The following SMYD3 variants were observed in gnomAD, a reference collection of about 807,000 sequenced individuals.
SMYD3 encodes the protein SET and MYND domain containing 3, also known as histone-lysine N-methyltransferase SMYD3.
A neutral mutation model predicts 57.7 loss-of-function variants in SMYD3; 36 were observed. That is an observed-to-expected ratio of 0.62 (90% confidence interval 0.48 to 0.82). The LOEUF (loss-of-function observed/expected upper bound fraction) is 0.82, where lower values mean the gene tolerates loss of function less well. Among genes scored for constraint, SMYD3 ranks in the 40% least tolerant of loss-of-function variants. SMYD3 has a pLI of 0.00. For synonymous variants in SMYD3, 211 were observed against 195.0 expected (o/e 1.08, Z -0.68); for missense variants, 515 against 538.8 (o/e 0.96, Z 0.44).
chr1:246,329,429 C>T (rs2065420662), intron 4 of SMYD3, among the ~76,000 whole-genome samples: 1 of 152,298 alleles, frequency 6.6e-6, no homozygotes, highest in Non-Finnish European at 1.5e-5. Flanking sequence ...ATTTGCATTT[C>T]TCTGATGGCC....
At chr1:245,780,225 G>C (rs1397154392) in intron 10 of SMYD3, among the ~76,000 whole-genome samples, 4 of 152,110 alleles carry the variant, frequency 2.6e-5, no homozygotes, top group Non-Finnish European at 5.9e-5. Flanking sequence ...ACATGTATAC[G>C]AATGTTTATA....
rs551703736 is a variant in SMYD3 at position 246,186,972 on chromosome 1, C to T, written c.531+140229G>A. On this transcript the variant is annotated intron_variant, in intron 5 of 11. Coordinates refer to ENST00000490107, the MANE Select transcript of SMYD3 (RefSeq NM_001167740.2). ...AGAGATGAAATGTAAAATGAGGAAA[C>T]ACGAAAGAAGAAATGGTCTGCTACA... 171 of 973,082 alleles carry T rather than the reference C, an allele frequency of 1.8e-4. No individual in the cohort carries two copies. The African/African-American group carries it at 2.9e-3, about 16-fold the overall frequency. 60.3% of individuals were successfully genotyped at this position (973,082 alleles called of 1,614,324 possible). A position where few individuals can be genotyped will look rare whatever the true frequency, so the allele number is the denominator to read the frequency against.
At chr1:246,169,844 CAG>C (rs1157855608) in intron 5 of SMYD3, among the ~76,000 whole-genome samples, 5 of 149,804 alleles carry the variant, frequency 3.3e-5, no homozygotes, top group African/African-American at 1.2e-4. Context: ...GTGAAGGTTG[CAG>C]AGAGCCAAGA....
At chr1:246,209,310 GATGA>G (rs66513864) in intron 5 of SMYD3, among the ~76,000 whole-genome samples, 59,099 of 151,710 alleles carry the variant, frequency 0.39, 12,625 homozygotes, top group East Asian at 0.79. Context: ...CAGCTTGATA[GATGA>G]ATGGTTAATG....
intron 1 of SMYD3, among the ~76,000 whole-genome samples, chr1:246,356,928 T>C (rs1319614011): frequency 6.6e-5 from 10 of 152,094 alleles, no homozygotes; most frequent in East Asian, 1.9e-4. Flanking sequence ...GACATCCAAA[T>C]ACAAGCTCAA....
At chr1:246,222,576 G>A (rs980970879) in intron 5 of SMYD3, among the ~76,000 whole-genome samples, 2 of 152,140 alleles carry the variant, frequency 1.3e-5, no homozygotes, top group African/African-American at 4.8e-5. Flanking sequence ...TCCTGTCATA[G>A]AGTAGATTCT....
At chr1:245,815,582 T>C (rs1482863687) in intron 10 of SMYD3, among the ~76,000 whole-genome samples, 1 of 152,176 alleles carries the variant, frequency 6.6e-6, no homozygotes, top group Non-Finnish European at 1.5e-5. Context: ...AGTACACAGA[T>C]CCCAGTTATC....
chr1:246,156,781 T>C (rs1215423811), intron 5 of SMYD3, among the ~76,000 whole-genome samples: 1 of 152,166 alleles, frequency 6.6e-6, no homozygotes, highest in Non-Finnish European at 1.5e-5. Flanking sequence ...TGCTTTCCCT[T>C]AAGAGGTCAT....
intron 5 of SMYD3, among the ~76,000 whole-genome samples, chr1:246,279,621 C>G (rs550958367): frequency 6.6e-6 from 1 of 152,224 alleles, no homozygotes; most frequent in South Asian, 2.1e-4. Flanking sequence ...AAGACAAAGG[C>G]AGTTATTTAA....
chr1:246,315,207 T>C (rs1338031188), intron 5 of SMYD3, among the ~76,000 whole-genome samples: 2 of 152,072 alleles, frequency 1.3e-5, no homozygotes, highest in African/African-American at 4.8e-5. Flanking sequence ...AGGAAGAAAA[T>C]GGGGACACAT....
chr1:246,304,293 G>A (rs755808409), intron 5 of SMYD3, among the ~76,000 whole-genome samples: 3 of 152,124 alleles, frequency 2.0e-5, no homozygotes, highest in Non-Finnish European at 4.4e-5. Context: ...TATAAAGCAG[G>A]CAGCAAAATA....
At chr1:246,189,761 C>T (rs369935126) in intron 5 of SMYD3, among the ~76,000 whole-genome samples, 2 of 152,218 alleles carry the variant, frequency 1.3e-5, no homozygotes, top group Admixed American at 6.5e-5. Context: ...GGTAGCACTC[C>T]GTGGTTTTAA....
chr1:246,364,965 C>CA (rs2066074643), intron 1 of SMYD3, among the ~76,000 whole-genome samples: 1 of 151,776 alleles, frequency 6.6e-6, no homozygotes, highest in African/African-American at 2.4e-5. Context: ...AATATGAACT[C>CA]AAAAAAAGCC....
chr1:246,411,205 C>A (rs2066962301), intron 1 of SMYD3, among the ~76,000 whole-genome samples: 1 of 151,954 alleles, frequency 6.6e-6, no homozygotes, highest in Admixed American at 6.6e-5. Flanking sequence ...ATTTATGCAC[C>A]CAAAAAACAC....
chr1:246,394,558 C>T (rs533896508), intron 1 of SMYD3, among the ~76,000 whole-genome samples: 10 of 152,308 alleles, frequency 6.6e-5, no homozygotes, highest in East Asian at 1.9e-4. Context: ...TCAGAATATT[C>T]GAAAACAAGA....
At chr1:245,822,365 G>A (rs944621440) in intron 10 of SMYD3, among the ~76,000 whole-genome samples, 3 of 145,788 alleles carry the variant, frequency 2.1e-5, no homozygotes, top group African/African-American at 7.7e-5. Context: ...CATGGACACA[G>A]GAAGGGGAAC....
intron 5 of SMYD3, among the ~76,000 whole-genome samples, chr1:246,248,635 C>CTTTTTT (rs1558348050): frequency 5.9e-5 from 4 of 68,336 alleles, no homozygotes; most frequent in South Asian, 1.0e-3. Context: ...CTCTGACTTT[C>CTTTTTT]CTTTTTTTTT....
chr1:246,465,480 TGCTGG>T (rs2067868012), intron 1 of SMYD3, among the ~76,000 whole-genome samples: 1 of 152,138 alleles, frequency 6.6e-6, no homozygotes, highest in Non-Finnish European at 1.5e-5. Context: ...AGGGAATCAG[TGCTGG>T]TAATTAACAT....
intron 2 of SMYD3, among the ~76,000 whole-genome samples, chr1:246,352,520 C>T (rs180974907): frequency 2.8e-4 from 43 of 152,260 alleles, no homozygotes; most frequent in African/African-American, 9.6e-4. Flanking sequence ...GCAGTTTAAA[C>T]GCATATGTTC....
Sources: gnomAD v4.1 joint callset for allele counts (sites outside exome capture counted in the v4.1 genomes callset) on GRCh38, gnomAD v4.1.1 for gene constraint, MANE v1.5 for transcripts, NCBI Gene and HGNC (gene_info 2026-07-23, HGNC 2026-07-21) for gene names.